Variants in HIF1AN observed in about 807,000 individuals in gnomAD.
HIF1AN encodes the protein hypoxia-inducible factor 1-alpha inhibitor.
A neutral mutation model predicts 47.7 loss-of-function variants in HIF1AN; 21 were observed. The observed-to-expected ratio is 0.44, with a 90% CI of 0.31 to 0.63. The LOEUF is 0.63. HIF1AN is among the 30% of genes least tolerant of loss of function. HIF1AN has a pLI of 0.07. For synonymous variants in HIF1AN, 152 were observed against 155.9 expected, an observed-to-expected ratio of 0.98 and a Z score of 0.18; for missense variants, 320 against 432.7, an observed-to-expected ratio of 0.74 and a Z score of 2.31.
intron 6 of HIF1AN, 24 bp downstream of exon 6, chr10:100,546,605 T>G: frequency 6.3e-7 from 1 of 1,593,710 alleles, no homozygotes; most frequent in Admixed American, 1.7e-5. Flanking sequence ...GCTTTTTTTG[T>G]TTTTTCCAGA....
At chr10:100,547,580 T>C (rs1564663985) in intron 7 of HIF1AN, among the ~76,000 whole-genome samples, 1 of 152,100 alleles carries the variant, frequency 6.6e-6, no homozygotes, top group South Asian at 2.1e-4. Flanking sequence ...CTGTAGGTAA[T>C]GTTGAGAGAC....
At position 100,549,238 on chromosome 10, in the gene HIF1AN, T is replaced by C. The variant is rs932534691; in HGVS notation, c.*1101T>C. On this transcript the variant is annotated 3_prime_UTR_variant, in exon 8 of 8. Coordinates refer to ENST00000299163, the MANE Select transcript of HIF1AN (RefSeq NM_017902.3). ...TTACACTTGGATTTTAGCCATCATA[T>C]GTTGGCCAGGTCTCACTGCAGCCTG... The C allele has an allele frequency of 6.6e-6, 1 of 152,288 alleles. No individual in the cohort carries two copies. The highest frequency in any genetic ancestry group is 1.5e-5 in the Non-Finnish European group (1 of 68,112). 9.4% of individuals were successfully genotyped at this position (152,288 alleles called of 1,614,324 possible). A position where few individuals can be genotyped will look rare whatever the true frequency, so the allele number is the denominator to read the frequency against.
At chr10:100,536,246 T>A (rs1564660663) in intron 1 of HIF1AN, 111 bp downstream of exon 1, 3 of 1,292,478 alleles carry the variant, frequency 2.3e-6, no homozygotes, top group Non-Finnish European at 3.2e-6. Flanking sequence ...CTAGGGCCTA[T>A]GGGAAGATGG....
chr10:100,547,914 A>G (rs7073586), intron 7 of HIF1AN, among the ~76,000 whole-genome samples, 179 bp from the exon 8 acceptor site: 35,551 of 152,032 alleles, frequency 0.23, 4,424 homozygotes, highest in African/African-American at 0.31. Flanking sequence ...TGAGGGAAAG[A>G]CTATGTCCCA....
chr10:100,536,022 G>A lies in HIF1AN; in HGVS notation c.64G>A (p.Ala22Thr). 6.3e-7 allele frequency: 1 copy of A among 1,592,082 alleles called. No individual in the cohort carries two copies. Among genetic ancestry groups the A allele is most frequent in the Non-Finnish European group, 8.5e-7 (1 of 1,170,192 alleles). The part of the protein sequence containing the change: ...GSGEPREEAG[A>T]LGPAWDESQL... ...TGGAGAGCCCCGGGAGGAGGCTGGAGCCCTCGGCCCCGCCTGGGATGAATC... is the reference window on the plus strand; with the variant it reads ...TGGAGAGCCCCGGGAGGAGGCTGGAACCCTCGGCCCCGCCTGGGATGAATC... The change falls in exon 1 of 8, where the codon GCC (alanine) becomes ACC (threonine). Residue 22 changes from alanine (A) to threonine (T), a missense_variant. Transcript: ENST00000299163.
In HIF1AN at chr10:100,538,527, A is replaced by G. The variant is rs138206369; in HGVS notation, c.428+1866A>G. Among the ~76,000 whole-genome samples the G allele has an allele frequency of 5.9e-5, 9 of 152,166 alleles. 1 individual carries two copies. Among genetic ancestry groups the G allele is most frequent in the African/African-American group, 2.2e-4 (9 of 41,504 alleles). On this transcript the variant is annotated intron_variant, in intron 2 of 7. Coordinates refer to ENST00000299163, the MANE Select transcript of HIF1AN (RefSeq NM_017902.3). ...TGTTCCTACAAAGGTAGTGTTTCCA[A>G]CTCATCAAGATTTCCTATTAAGGCT... is the stretch of plus-strand genomic sequence containing the variant.
Position 100,556,384 on chromosome 10 carries a change from G to A in HIF1AN, c.*8247G>A, listed in dbSNP as rs533770399. 4.2e-4 allele frequency: 64 copies of A among 152,332 alleles called. No homozygotes were observed. The highest frequency in any genetic ancestry group is 1.4e-3 in the African/African-American group (59 of 41,562). The allele number at this position is 152,332 out of a possible 1,614,324, so 9.4% of individuals were successfully genotyped here. ...AAAGGACAGTTCCTAAAGAGGCATT[G>A]AAGGTTTGTATGAGCCAGCAGCACA... On this transcript the variant is annotated 3_prime_UTR_variant, in exon 8 of 8. Transcript: ENST00000299163.
At chr10:100,546,663 G>A in intron 6 of HIF1AN, 82 bp downstream of exon 6, 1 of 1,048,418 alleles carries the variant, frequency 9.5e-7, no homozygotes, top group Non-Finnish European at 1.5e-6. Context: ...ATTTTGGATG[G>A]GATGGTTGAC....
intron 5 of HIF1AN, 114 bp downstream of exon 5, chr10:100,546,163 G>A (rs1257001289): frequency 2.6e-6 from 2 of 775,248 alleles, no homozygotes; most frequent in East Asian, 2.4e-5. Context: ...GTGGTCTATA[G>A]GAAGGTTGGC....
intron 2 of HIF1AN, among the ~76,000 whole-genome samples, chr10:100,538,399 T>C (rs1342715805): frequency 3.3e-5 from 5 of 152,204 alleles, no homozygotes; most frequent in Non-Finnish European, 7.3e-5. Flanking sequence ...TAGATTCATA[T>C]ATGGGCAGTA....
chr10:100,539,853 C>T (rs536948469), intron 2 of HIF1AN, among the ~76,000 whole-genome samples: 10 of 152,250 alleles, frequency 6.6e-5, no homozygotes, highest in African/African-American at 9.6e-5. Flanking sequence ...CAAGGGCCAA[C>T]GGAGATGTCT....
intron 2 of HIF1AN, among the ~76,000 whole-genome samples, chr10:100,538,007 C>T (rs1315982484): frequency 6.6e-6 from 1 of 151,980 alleles, no homozygotes; most frequent in African/African-American, 2.4e-5. Flanking sequence ...ATACACACAC[C>T]CAACATTGAG....
intron 3 of HIF1AN, among the ~76,000 whole-genome samples, chr10:100,541,227 A>G (rs1430815801): frequency 6.6e-6 from 1 of 151,862 alleles, no homozygotes; most frequent in East Asian, 1.9e-4. Context: ...CAAAAGAAAG[A>G]AAAAGAAACA....
rs1241485693 is a variant in HIF1AN, at chr10:100,554,827, A to T, written c.*6690A>T. On this transcript the variant is annotated 3_prime_UTR_variant, in exon 8 of 8. Transcript: ENST00000299163. ...CTCTCAAAAAAAAAAAAAAAAAATT[A>T]TGAGTATGTTAAGATTGTTCTAGGG... 6.6e-6 allele frequency: 1 copy of T among 151,326 alleles called. No individual in the cohort carries two copies. The highest frequency in any genetic ancestry group is 2.4e-5 in the African/African-American group (1 of 40,996). The allele number at this position is 151,326 out of a possible 1,614,324, so 9.4% of individuals were successfully genotyped here. A position where few individuals can be genotyped will look rare whatever the true frequency, so the allele number is the denominator to read the frequency against.
rs1476912266 is a variant in HIF1AN at position 100,559,567 on chromosome 10, T to G, written c.*11430T>G. 1.3e-5 allele frequency: 2 copies of G among 152,000 alleles called. No individual in the cohort carries two copies. The highest frequency in any genetic ancestry group is 3.9e-4 in the East Asian group (2 of 5,176). The allele number at this position is 152,000 out of a possible 1,614,324, so 9.4% of individuals were successfully genotyped here. A position where few individuals can be genotyped will look rare whatever the true frequency, so the allele number is the denominator to read the frequency against. ...CCATGTAGCTGGGATCACAGGCACA[T>G]GCCACCACACCTGGCTAATTTTTTA... On this transcript the variant is annotated 3_prime_UTR_variant, in exon 8 of 8. Coordinates refer to ENST00000299163, the MANE Select transcript of HIF1AN (RefSeq NM_017902.3).
rs780777815 is a variant in HIF1AN at position 100,548,208 on chromosome 10, G to A, written c.*71G>A. The A allele has an allele frequency of 1.0e-5, 14 of 1,340,738 alleles. No homozygotes were observed. In the Admixed American group the frequency reaches 2.6e-4, roughly 25 times the overall value. 83.1% of individuals were successfully genotyped at this position (1,340,738 alleles called of 1,614,324 possible). Reference sequence around the variant, plus strand: ...CACACCGCTTCATTGATGAGGACAGGAGACTCCAAGCGCTAGTATTGCACG... The same window carrying A: ...CACACCGCTTCATTGATGAGGACAGAAGACTCCAAGCGCTAGTATTGCACG... On this transcript the variant is annotated 3_prime_UTR_variant, in exon 8 of 8. Coordinates refer to ENST00000299163, the MANE Select transcript of HIF1AN (RefSeq NM_017902.3).
chr10:100,546,320 G>A (rs1013961949), intron 5 of HIF1AN, among the ~76,000 whole-genome samples, 198 bp from the exon 6 acceptor site: 3 of 152,056 alleles, frequency 2.0e-5, no homozygotes, highest in Non-Finnish European at 4.4e-5. Flanking sequence ...TTGGTATTTC[G>A]AGACTGAACA....
Position 100,555,605 on chromosome 10 carries a change from T to C in HIF1AN, c.*7468T>C, listed in dbSNP as rs1166242705. ...AGACCCTGGTCCCTAGCTTTGTGGG[T>C]GAAGAAGATACCTCTTTAGCTTGTG... On this transcript the variant is annotated 3_prime_UTR_variant, in exon 8 of 8. Coordinates refer to ENST00000299163, the MANE Select transcript of HIF1AN (RefSeq NM_017902.3). 1 of 152,266 alleles carries C rather than the reference T, an allele frequency of 6.6e-6. No individual in the cohort carries two copies. The highest frequency in any genetic ancestry group is 2.4e-5 in the African/African-American group (1 of 41,450). The allele number at this position is 152,266 out of a possible 1,614,324, so 9.4% of individuals were successfully genotyped here.
chr10:100,546,307 T>A (rs1843093291), intron 5 of HIF1AN, among the ~76,000 whole-genome samples: 1 of 152,170 alleles, frequency 6.6e-6, no homozygotes, highest in Non-Finnish European at 1.5e-5. Context: ...TGTTCTTGGC[T>A]CTTTGGTATT....
Sources: gnomAD v4.1 joint callset for allele counts (sites outside exome capture counted in the v4.1 genomes callset) on GRCh38, gnomAD v4.1.1 for gene constraint, MANE v1.5 for transcripts, NCBI Gene and HGNC (gene_info 2026-07-23, HGNC 2026-07-21) for gene names.